CEACAM6: variants seen among roughly 807,000 people sequenced by gnomAD.
CEACAM6 encodes the protein CEA cell adhesion molecule 6, also known as cell adhesion molecule CEACAM6.
CEACAM6 carries 21 observed loss-of-function variants against 32.4 expected under a neutral mutation model. The observed-to-expected ratio is 0.65, with a 90% confidence interval of 0.46 to 0.93. CEACAM6 has a LOEUF of 0.93. Ranked by LOEUF, CEACAM6 falls within the 40% of genes least tolerant of loss-of-function variation. CEACAM6 has a pLI of 0.00. For synonymous variants in CEACAM6, 184 were observed against 174.4 expected (o/e 1.06, Z -0.43); for missense variants, 406 against 432.2 (o/e 0.94, Z 0.54).
rs1400830197 is a variant in CEACAM6 at position 41,766,472 on chromosome 19, T to C, written c.*40+173T>C. On this transcript the variant is annotated intron_variant, in intron 5 of 5. Coordinates refer to ENST00000199764, the MANE Select transcript of CEACAM6 (RefSeq NM_002483.7). The stretch of plus-strand genomic sequence containing the variant: ...TCTTCCCTGGTCTTCATGCTCCCTG[T>C]ACCCCACTGTCTCCTAGATATAATT... Among the ~76,000 whole-genome samples the C allele has an allele frequency of 2.0e-5, 3 of 152,214 alleles. No homozygotes were observed. In the East Asian group the frequency reaches 5.8e-4, roughly 29 times the overall value.
At chr19:41,767,458 A>C (rs1031809625) in intron 5 of CEACAM6, among the ~76,000 whole-genome samples, 15 of 152,222 alleles carry the variant, frequency 9.9e-5, no homozygotes, top group Non-Finnish European at 1.9e-4. Flanking sequence ...AGGAGATAAG[A>C]CCTGAAAAAT....
At chr19:41,763,825 C>T (rs2072941996) in intron 4 of CEACAM6, among the ~76,000 whole-genome samples, 2 of 152,258 alleles carry the variant, frequency 1.3e-5, no homozygotes, top group Non-Finnish European at 2.9e-5. Flanking sequence ...CCAGCAACAA[C>T]TCCAACCCTG....
Position 41,772,006 on chromosome 19 carries a change from T to C in CEACAM6, c.*1245T>C, listed in dbSNP as rs1270217228. The C allele has an allele frequency of 1.3e-5, 2 of 152,202 alleles. No individual in the cohort carries two copies. The highest frequency in any genetic ancestry group is 4.8e-5 in the African/African-American group (2 of 41,458). The allele number at this position is 152,202 out of a possible 1,614,324, so 9.4% of individuals were successfully genotyped here. A position where few individuals can be genotyped will look rare whatever the true frequency, so the allele number is the denominator to read the frequency against. ...GTTAGCATAATACAGAAGTCCCCTC[T>C]ACTTTAACTTTTACAAAAAAGTAAC... On this transcript the variant is annotated 3_prime_UTR_variant, in exon 6 of 6. Coordinates refer to ENST00000199764, the MANE Select transcript of CEACAM6 (RefSeq NM_002483.7).
In CEACAM6 at chr19:41,756,551, C is replaced by T. The variant is rs115218253; in HGVS notation, c.65-49C>T. ...AGGACCCAGGGCCCTGTTTTTCCAC[C>T]CTAATGCATAGGTCCCAATATTGAC... On this transcript the variant is annotated intron_variant, in intron 1 of 5. Coordinates refer to ENST00000199764, the MANE Select transcript of CEACAM6 (RefSeq NM_002483.7). 3.0e-3 allele frequency: 4,669 copies of T among 1,572,984 alleles called. 134 individuals are homozygous for T. The African/African-American group carries it at 0.055, about 19-fold the overall frequency.
At chr19:41,758,876 G>A (rs549122986) in intron 2 of CEACAM6, among the ~76,000 whole-genome samples, 59 of 152,282 alleles carry the variant, frequency 3.9e-4, no homozygotes, top group Admixed American at 1.7e-3. Flanking sequence ...CCCCTGCCGG[G>A]CTCCATCACG....
intron 5 of CEACAM6, among the ~76,000 whole-genome samples, chr19:41,768,549 T>A (rs2072970648): frequency 6.6e-6 from 1 of 152,242 alleles, no homozygotes; most frequent in Non-Finnish European, 1.5e-5. Context: ...TTTCCCCACC[T>A]TTCCCCCTTT....
In CEACAM6 at chr19:41,762,028, C is replaced by G. The variant is rs1555821965; in HGVS notation, c.763C>G (p.Leu255Val). The G allele has an allele frequency of 1.2e-6, 2 of 1,614,202 alleles. No individual in the cohort carries two copies. Among genetic ancestry groups the G allele is most frequent in the South Asian group, 2.2e-5 (2 of 91,080 alleles). ...SKANYRPGEN[L>V]NLSCHAASNP... Reference sequence around the variant, plus strand: ...GGCCAATTACCGTCCAGGGGAAAATCTGAACCTCTCCTGCCACGCAGCCTC... The same window carrying G: ...GGCCAATTACCGTCCAGGGGAAAATGTGAACCTCTCCTGCCACGCAGCCTC... The change falls in exon 4 of 6, where the codon CTG (leucine) becomes GTG (valine). Residue 255 changes from leucine to valine, a missense_variant. Leu to Val is a conservative substitution (Grantham distance 32). Transcript: ENST00000199764.
intron 4 of CEACAM6, among the ~76,000 whole-genome samples, chr19:41,765,528 A>G (rs930564225): frequency 3.3e-5 from 5 of 152,240 alleles, no homozygotes; most frequent in Admixed American, 2.6e-4. Context: ...AACAGCCATG[A>G]GGGAAGGTGG....
In CEACAM6 at chr19:41,766,218, G is replaced by C. The variant is rs143238640; in HGVS notation, c.994G>C (p.Gly332Arg). ...TGTCCTCTCAGCTGTGGCCACCGTC[G>C]GCATCACGATTGGAGTGCTGGCCAG... The part of the protein sequence containing the change: ...APVLSAVATV[G>R]ITIGVLARVA... The change falls in exon 5 of 6, where the codon GGC becomes CGC. Residue 332 changes from glycine to arginine, a missense_variant. By Grantham distance (125) the Gly-to-Arg change is moderately radical. Coordinates refer to ENST00000199764, the MANE Select transcript of CEACAM6 (RefSeq NM_002483.7). 1.7e-5 allele frequency: 28 copies of C among 1,607,012 alleles called. No individual in the cohort carries two copies. Among genetic ancestry groups the C allele is most frequent in the Non-Finnish European group, 2.4e-5 (28 of 1,177,312 alleles).
rs113369073 is a variant in CEACAM6 at position 41,768,801 on chromosome 19, G to A, written c.*41-2001G>A. Among the ~76,000 whole-genome samples the A allele has an allele frequency of 3.4e-3, 524 of 152,258 alleles. 7 individuals are homozygous for A. The highest frequency in any genetic ancestry group is 0.012 in the African/African-American group (503 of 41,546). On this transcript the variant is annotated intron_variant, in intron 5 of 5. Transcript: ENST00000199764. ...GGGCTCCTCACTTCCCAGTAGGGGC[G>A]GCCGGGCAGAGGCGCCCCTCACCTG...
intron 2 of CEACAM6, among the ~76,000 whole-genome samples, chr19:41,759,997 C>A (rs2072912959): frequency 6.6e-6 from 1 of 152,194 alleles, no homozygotes; most frequent in Non-Finnish European, 1.5e-5. Context: ...AAGTCTACTG[C>A]AAATATTCAA....
Position 41,761,352 on chromosome 19 carries a change from C to T in CEACAM6, c.528C>T (p.Tyr176=), listed in dbSNP as rs1555821831. Residue 176 remains tyrosine, a synonymous_variant, in exon 3 of 6, where the codon TAC becomes TAT. Coordinates refer to ENST00000199764, the MANE Select transcript of CEACAM6 (RefSeq NM_002483.7). ...AACCTGAGGTTCAGAACACAACCTACCTGTGGTGGGTAAATGGTCAGAGCC... is the reference window on the plus strand; with the variant it reads ...AACCTGAGGTTCAGAACACAACCTATCTGTGGTGGGTAAATGGTCAGAGCC... ...TCEPEVQNTT[Y]LWWVNGQSLP... 1.2e-6 allele frequency: 2 copies of T among 1,614,232 alleles called. No homozygotes were observed. The highest frequency in any genetic ancestry group is 1.7e-6 in the Non-Finnish European group (2 of 1,180,038).
chr19:41,757,743 A>G (rs1555821351), intron 2 of CEACAM6, among the ~76,000 whole-genome samples: 2 of 152,208 alleles, frequency 1.3e-5, no homozygotes, highest in African/African-American at 4.8e-5. Flanking sequence ...GCAAATAATC[A>G]TAGATAACTG....
intron 5 of CEACAM6, among the ~76,000 whole-genome samples, chr19:41,767,410 G>T (rs1373804974): frequency 6.6e-6 from 1 of 152,146 alleles, no homozygotes; most frequent in Non-Finnish European, 1.5e-5. Flanking sequence ...AATGAAGAAG[G>T]CAAGGTCCCT....
intron 4 of CEACAM6, among the ~76,000 whole-genome samples, chr19:41,764,538 C>A (rs1600499077): frequency 6.6e-6 from 1 of 152,170 alleles, no homozygotes; most frequent in African/African-American, 2.4e-5. Context: ...AACCCTCATC[C>A]TCTGACCTAC....
intron 5 of CEACAM6, among the ~76,000 whole-genome samples, chr19:41,769,110 T>A (rs2072976295): frequency 6.6e-6 from 1 of 152,018 alleles, no homozygotes; most frequent in South Asian, 2.1e-4. Flanking sequence ...CATGCCCGGC[T>A]AATTTTGTAT....
At chr19:41,767,875 A>T (rs960893938) in intron 5 of CEACAM6, among the ~76,000 whole-genome samples, 1 of 152,094 alleles carries the variant, frequency 6.6e-6, no homozygotes, top group African/African-American at 2.4e-5. Flanking sequence ...GCCTTATTTG[A>T]TATGTTACAT....
rs782457310 is a variant in CEACAM6 at position 41,756,823 on chromosome 19, T to C, written c.288T>C (p.Ser96=). Residue 96 remains serine, a synonymous_variant, in exon 2 of 6, where the codon AGT becomes AGC. Coordinates refer to ENST00000199764, the MANE Select transcript of CEACAM6 (RefSeq NM_002483.7). ...AAGCTACCCCAGGGCCCGCATACAG[T>C]GGTCGAGAGACAATATACCCCAATG... is the stretch of plus-strand genomic sequence containing the variant. ...TQQATPGPAY[S]GRETIYPNAS... 33 of 1,613,924 alleles carry C rather than the reference T, an allele frequency of 2.0e-5. No homozygotes were observed. The highest frequency in any genetic ancestry group is 1.6e-4 in the East Asian group (7 of 44,886).
At chr19:41,756,145 C>T (rs2072883669) in intron 1 of CEACAM6, among the ~76,000 whole-genome samples, 1 of 152,202 alleles carries the variant, frequency 6.6e-6, no homozygotes, top group Admixed American at 6.5e-5. Flanking sequence ...AAGTCTCAGT[C>T]ATCACAGAGC....
Sources: gnomAD v4.1 joint callset for allele counts (sites outside exome capture counted in the v4.1 genomes callset) on GRCh38, gnomAD v4.1.1 for gene constraint, MANE v1.5 for transcripts, NCBI Gene and HGNC (gene_info 2026-07-23, HGNC 2026-07-21) for gene names.